The following ARHGAP6 variants were observed in gnomAD, a reference collection of about 807,000 sequenced individuals.
The protein encoded by ARHGAP6 is rho GTPase-activating protein 6.
In ARHGAP6, 16 loss-of-function variants were observed where a neutral mutation model predicts 55.7. The observed-to-expected ratio is 0.29, with a 90% CI of 0.19 to 0.44. ARHGAP6 has a LOEUF of 0.44. Ranked by LOEUF, ARHGAP6 falls within the 20% of genes least tolerant of loss-of-function variation. The probability of loss-of-function intolerance (pLI) is 1.00; values close to 1 mark genes in which losing one functional copy is unlikely to be tolerated. For missense variants in ARHGAP6, 698 were observed against 808.9 expected (o/e 0.86, Z 1.66); for synonymous variants, 382 against 360.9 (o/e 1.06, Z -0.66).
At chrX:11,649,408 C>T (rs922931699) in intron 1 of ARHGAP6, among the ~76,000 whole-genome samples, 15 of 112,089 alleles carry the variant, frequency 1.3e-4, no homozygotes, top group Non-Finnish European at 2.8e-4. Flanking sequence ...TGTTATGCAG[C>T]AATAGAGAAC....
At chrX:11,548,166 G>A (rs1396426119) in intron 1 of ARHGAP6, among the ~76,000 whole-genome samples, 1 of 112,054 alleles carries the variant, frequency 8.9e-6, no homozygotes, top group Non-Finnish European at 1.9e-5. Flanking sequence ...ATATTTATGG[G>A]ATACAGAGTA....
chrX:11,572,917 A>C (rs1481364977), intron 1 of ARHGAP6, among the ~76,000 whole-genome samples: 1 of 111,565 alleles, frequency 9.0e-6, no homozygotes, highest in Non-Finnish European at 1.9e-5. Flanking sequence ...TGTGGTTTTG[A>C]TTTGCATTTC....
In ARHGAP6 at chrX:11,298,285, G is replaced by C. The variant is rs1603038203; in HGVS notation, c.589-43578C>G. ...CAGAGCATAAGGCCACCGGTATGTA[G>C]ACATTTTGTTCCTTATTCCCTGAAA... On this transcript the variant is annotated intron_variant, in intron 1 of 12. Transcript: ENST00000337414. The C allele has an allele frequency of 6.6e-6, 8 of 1,209,161 alleles. No individual in the cohort carries two copies. The highest frequency in any genetic ancestry group is 9.0e-6 in the Non-Finnish European group (8 of 893,230).
intron 1 of ARHGAP6, among the ~76,000 whole-genome samples, chrX:11,378,893 C>T (rs886555483): frequency 6.2e-5 from 7 of 112,836 alleles, no homozygotes; most frequent in Non-Finnish European, 1.3e-4. Context: ...AGCCAACTTT[C>T]TCGTGATCCA....
chrX:11,453,972 C>A (rs1387657703), intron 1 of ARHGAP6, among the ~76,000 whole-genome samples: 4 of 111,354 alleles, frequency 3.6e-5, no homozygotes, highest in African/African-American at 1.3e-4. Flanking sequence ...GAGATGGAGT[C>A]TCGCTCTGTT....
At chrX:11,650,694 T>C (rs1227195962) in intron 1 of ARHGAP6, among the ~76,000 whole-genome samples, 2 of 112,865 alleles carry the variant, frequency 1.8e-5, no homozygotes, top group Admixed American at 1.9e-4. Context: ...TATACCTATC[T>C]TTCACCATAC....
chrX:11,470,805 T>C (rs971741449), intron 1 of ARHGAP6, among the ~76,000 whole-genome samples: 4 of 111,964 alleles, frequency 3.6e-5, no homozygotes, highest in African/African-American at 1.3e-4. Context: ...GGCTTCACAG[T>C]ACAAAGGGCT....
rs775204520 is a variant in ARHGAP6, at chrX:11,138,969, G to A, written c.2819C>T (p.Pro940Leu). 5.8e-6 allele frequency: 7 copies of A among 1,204,022 alleles called. No individual in the cohort carries two copies. The highest frequency in any genetic ancestry group is 2.2e-5 in the Admixed American group (1 of 45,618). Residue 940 changes from proline to leucine, a missense_variant, in exon 13 of 13, where the codon CCG becomes CTG. By Grantham distance (98) the Pro-to-Leu change is moderately conservative. Coordinates refer to ENST00000337414, the MANE Select transcript of ARHGAP6 (RefSeq NM_013427.3). ...NSLPAGEQDSPRLGDAGWLDW... is the reference protein window; with the variant it reads ...NSLPAGEQDSLRLGDAGWLDW... ...GAGCCAGCCAGCGTCCCCCAGGCGC[G>A]GACTGTCCTGCTCGCCCGCTGGCAG...
intron 1 of ARHGAP6, among the ~76,000 whole-genome samples, chrX:11,567,788 C>G (rs1356472216): frequency 9.1e-6 from 1 of 109,792 alleles, no homozygotes; most frequent in Non-Finnish European, 1.9e-5. Flanking sequence ...CCATTCTCAG[C>G]CTCCTGAGTA....
intron 1 of ARHGAP6, among the ~76,000 whole-genome samples, chrX:11,289,225 T>G (rs922037607): frequency 1.8e-5 from 2 of 109,801 alleles, no homozygotes; most frequent in Non-Finnish European, 3.8e-5. Context: ...AAATCGTGTG[T>G]TTTTTTTTGT....
At chrX:11,281,945 C>G (rs1048688541) in intron 1 of ARHGAP6, among the ~76,000 whole-genome samples, 4 of 111,951 alleles carry the variant, frequency 3.6e-5, no homozygotes, top group African/African-American at 1.3e-4. Context: ...ATGGAATAAA[C>G]AGAGTGTCTT....
intron 1 of ARHGAP6, among the ~76,000 whole-genome samples, chrX:11,277,366 G>C (rs1424970611): frequency 1.9e-5 from 2 of 108,017 alleles, no homozygotes; most frequent in African/African-American, 3.5e-5. Flanking sequence ...GTGAACGTAG[G>C]TTTTCAATGA....
intron 1 of ARHGAP6, among the ~76,000 whole-genome samples, chrX:11,375,557 T>G (rs1004823092): frequency 8.9e-6 from 1 of 111,967 alleles, no homozygotes; most frequent in African/African-American, 3.2e-5. Flanking sequence ...GTCTTTGAGA[T>G]TTCCTTAAGA....
chrX:11,341,738 T>G (rs1245122217), intron 1 of ARHGAP6, among the ~76,000 whole-genome samples: 1 of 112,195 alleles, frequency 8.9e-6, no homozygotes, highest in East Asian at 2.8e-4. Flanking sequence ...TCTGGGATGA[T>G]CCACTTCCAT....
In ARHGAP6 at chrX:11,423,860, T is replaced by C. The variant is rs529336572; in HGVS notation, c.589-169153A>G. Among the ~76,000 whole-genome samples, 351 of 112,218 alleles carry C rather than the reference T, an allele frequency of 3.1e-3. 2 individuals are homozygous for C. The highest frequency in any genetic ancestry group is 5.9e-3 in the Non-Finnish European group (316 of 53,198). On this transcript the variant is annotated intron_variant, in intron 1 of 12. Coordinates refer to ENST00000337414, the MANE Select transcript of ARHGAP6 (RefSeq NM_013427.3). ...TGCCCCACTTGAGGGTAAAGACAGG[T>C]TGGGGCACCAGGAGAGAAGAGCTTG...
At chrX:11,333,413 C>G (rs1290000863) in intron 1 of ARHGAP6, among the ~76,000 whole-genome samples, 2 of 111,870 alleles carry the variant, frequency 1.8e-5, no homozygotes, top group Non-Finnish European at 3.8e-5. Flanking sequence ...TTTACTTCCC[C>G]TTCCACCATG....
Position 11,510,040 on chromosome X carries a change from C to T in ARHGAP6, c.588+154201G>A, listed in dbSNP as rs1187415756. Among the ~76,000 whole-genome samples the T allele has an allele frequency of 2.7e-5, 3 of 111,877 alleles. No homozygotes were observed. The East Asian group carries it at 8.4e-4, about 31-fold the overall frequency. The stretch of plus-strand genomic sequence containing the variant: ...TGTTTCAAAATTCTCTCAAGGAAAA[C>T]ATTCAGTTGACCTTTGGTGTATCAG... On this transcript the variant is annotated intron_variant, in intron 1 of 12. Coordinates refer to ENST00000337414, the MANE Select transcript of ARHGAP6 (RefSeq NM_013427.3).
chrX:11,437,127 T>TA (rs1055777444), intron 1 of ARHGAP6, among the ~76,000 whole-genome samples: 5 of 111,114 alleles, frequency 4.5e-5, no homozygotes, highest in African/African-American at 1.6e-4. Flanking sequence ...ACTGACTTTA[T>TA]AACAAATCTA....
intron 1 of ARHGAP6, among the ~76,000 whole-genome samples, chrX:11,435,686 T>C (rs2049981309): frequency 8.9e-6 from 1 of 111,937 alleles, no homozygotes; most frequent in African/African-American, 3.3e-5. Context: ...GCCGGGTGAT[T>C]TGTCCAACGT....
Sources: gnomAD v4.1 joint callset for allele counts (sites outside exome capture counted in the v4.1 genomes callset) on GRCh38, gnomAD v4.1.1 for gene constraint, MANE v1.5 for transcripts, NCBI Gene and HGNC (gene_info 2026-07-23, HGNC 2026-07-21) for gene names.